Variants in CFAP299 observed in about 807,000 individuals in gnomAD.
CFAP299 encodes cilia- and flagella-associated protein 299.
Under a neutral mutation model 27.0 loss-of-function variants are expected in CFAP299, and 21 were observed. The observed-to-expected ratio is 0.78, with a 90% CI of 0.55 to 1.12. The LOEUF (loss-of-function observed/expected upper bound fraction) is 1.12. Among genes scored for constraint, CFAP299 ranks in the 50% most tolerant of loss-of-function variants. The pLI, the probability that CFAP299 is intolerant of heterozygous loss-of-function variation, is 0.00. For missense variants in CFAP299, 310 were observed against 276.6 expected, an observed-to-expected ratio of 1.12 and a Z score of -0.86; for synonymous variants, 104 against 98.1, an observed-to-expected ratio of 1.06 and a Z score of -0.36.
chr4:80,479,543 C>T lies in CFAP299; in HGVS notation c.243-103550C>T, dbSNP rs543356405. On this transcript the variant is annotated intron_variant, in intron 2 of 5. Coordinates refer to ENST00000358105, the MANE Select transcript of CFAP299 (RefSeq NM_152770.3). ...CACTGGGGAAAAACATCAAATGTTT[C>T]TATCATTAATTTCAATTGTTAGGTA... 5.5e-4 allele frequency among the ~76,000 whole-genome samples: 84 copies of T among 151,994 alleles called. 2 individuals carry two copies. Among genetic ancestry groups the T allele is most frequent in the Admixed American group, 1.2e-3 (19 of 15,266 alleles).
chr4:80,819,641 C>T (rs993095821), intron 3 of CFAP299, among the ~76,000 whole-genome samples: 3 of 152,206 alleles, frequency 2.0e-5, no homozygotes, highest in African/African-American at 7.2e-5. Flanking sequence ...GCTAAAATAA[C>T]GATCTCTATG....
rs116659525 is a variant in CFAP299 at position 80,537,439 on chromosome 4, T to C, written c.243-45654T>C. ...AGCCAAGCTGTGGAATCAACCTAAG[T>C]GTCCACCAGTGCATGAATAAATAAA... On this transcript the variant is annotated intron_variant, in intron 2 of 5. Coordinates refer to ENST00000358105, the MANE Select transcript of CFAP299 (RefSeq NM_152770.3). 4.8e-3 allele frequency among the ~76,000 whole-genome samples: 730 copies of C among 152,240 alleles called. 5 individuals carry two copies. Among genetic ancestry groups the C allele is most frequent in the African/African-American group, 0.017 (696 of 41,566 alleles).
chr4:80,850,134 C>G (rs998790803), intron 3 of CFAP299, among the ~76,000 whole-genome samples: 5 of 152,006 alleles, frequency 3.3e-5, no homozygotes, highest in African/African-American at 1.2e-4. Context: ...CTTTCTGATT[C>G]TATAGCTCAG....
At position 80,706,341 on chromosome 4, in the gene CFAP299, G is replaced by GA. The variant is rs570237876; in HGVS notation, c.333+123167dup. Among the ~76,000 whole-genome samples the GA allele has an allele frequency of 1.2e-3, 184 of 150,268 alleles. 1 individual carries two copies. In the Middle Eastern group the frequency reaches 0.017, roughly 14 times the overall value. On this transcript the variant is annotated intron_variant, in intron 3 of 5. Transcript: ENST00000358105. ...CCCCTGTATTGTCTAAGTATTAAAT[G>GA]AAAAAAAAATCCCACTTATATTAAA...
At chr4:80,398,318 A>G (rs2110045741) in intron 2 of CFAP299, among the ~76,000 whole-genome samples, 1 of 152,344 alleles carries the variant, frequency 6.6e-6, no homozygotes, top group South Asian at 2.1e-4. Flanking sequence ...GACTTTCTTC[A>G]CAGAATTGGG....
chr4:80,637,904 T>C (rs1486670649), intron 3 of CFAP299, among the ~76,000 whole-genome samples: 1 of 152,240 alleles, frequency 6.6e-6, no homozygotes, highest in Non-Finnish European at 1.5e-5. Flanking sequence ...CTGTATTTCT[T>C]TTGTCACACA....
At chr4:80,449,662 A>C (rs950900856) in intron 2 of CFAP299, among the ~76,000 whole-genome samples, 5 of 151,696 alleles carry the variant, frequency 3.3e-5, no homozygotes, top group African/African-American at 4.8e-5. Context: ...ATTATAATGA[A>C]TAATTTATTA....
intron 3 of CFAP299, among the ~76,000 whole-genome samples, chr4:80,618,187 A>G (rs1738396253): frequency 6.6e-6 from 1 of 152,118 alleles, no homozygotes. Context: ...GAAGGAATAA[A>G]CTTTACTCTT....
At chr4:80,789,565 A>G (rs1727435116) in intron 3 of CFAP299, among the ~76,000 whole-genome samples, 1 of 152,116 alleles carries the variant, frequency 6.6e-6, no homozygotes, top group East Asian at 1.9e-4. Flanking sequence ...GTGTTCAATT[A>G]CTTTCACATC....
intron 2 of CFAP299, among the ~76,000 whole-genome samples, chr4:80,568,344 GT>G (rs574886039): frequency 2.9e-4 from 44 of 152,022 alleles, no homozygotes; most frequent in Non-Finnish European, 4.7e-4. Context: ...TATGTATCAT[GT>G]TTCCTTTGTT....
chr4:80,945,086 C>T, intron 5 of CFAP299, 147 bp downstream of exon 5: 2 of 729,366 alleles, frequency 2.7e-6, no homozygotes, highest in Non-Finnish European at 4.6e-6. Context: ...GCATGTACTA[C>T]CTTTTAAAAA....
chr4:80,716,314 G>A (rs948491080), intron 3 of CFAP299, among the ~76,000 whole-genome samples: 3 of 151,606 alleles, frequency 2.0e-5, no homozygotes, highest in African/African-American at 4.8e-5. Flanking sequence ...AAAATGAGAT[G>A]TAGAAAATGT....
chr4:80,898,082 A>T (rs573199371), intron 4 of CFAP299, among the ~76,000 whole-genome samples: 1 of 152,236 alleles, frequency 6.6e-6, no homozygotes, highest in Admixed American at 6.5e-5. Flanking sequence ...TGTTACAGTA[A>T]GGGCTCTTTT....
At chr4:80,398,085 C>T (rs1022624392) in intron 2 of CFAP299, among the ~76,000 whole-genome samples, 2 of 152,116 alleles carry the variant, frequency 1.3e-5, no homozygotes, top group Non-Finnish European at 2.9e-5. Flanking sequence ...CTCCCATTCA[C>T]AATTGCTTCA....
At chr4:80,906,027 T>C (rs1735165891) in intron 4 of CFAP299, among the ~76,000 whole-genome samples, 1 of 152,166 alleles carries the variant, frequency 6.6e-6, no homozygotes, top group Non-Finnish European at 1.5e-5. Context: ...CAAAGTCTCA[T>C]CTGAGATAAG....
chr4:80,723,046 C>T (rs976616224), intron 3 of CFAP299, among the ~76,000 whole-genome samples: 1 of 152,044 alleles, frequency 6.6e-6, no homozygotes, highest in Non-Finnish European at 1.5e-5. Context: ...AACCACAATG[C>T]GATACTACTA....
intron 3 of CFAP299, among the ~76,000 whole-genome samples, chr4:80,699,441 C>T (rs329396): frequency 0.89 from 134,804 of 152,158 alleles, 60,231 homozygotes; most frequent in East Asian, 1. Flanking sequence ...ACAATTACTA[C>T]TGCACCAGGC....
chr4:80,357,080 T>C (rs375289945), intron 1 of CFAP299, among the ~76,000 whole-genome samples: 7 of 152,156 alleles, frequency 4.6e-5, no homozygotes, highest in African/African-American at 1.7e-4. Flanking sequence ...CTTTTCTGCA[T>C]ACTATTGAAA....
At chr4:80,602,678 G>A (rs1419894534) in intron 3 of CFAP299, among the ~76,000 whole-genome samples, 1 of 152,142 alleles carries the variant, frequency 6.6e-6, no homozygotes, top group East Asian at 1.9e-4. Flanking sequence ...TTAGTAGAGA[G>A]CTGGCTCAAC....
Sources: gnomAD v4.1 joint callset for allele counts (sites outside exome capture counted in the v4.1 genomes callset) on GRCh38, gnomAD v4.1.1 for gene constraint, MANE v1.5 for transcripts, NCBI Gene and HGNC (gene_info 2026-07-23, HGNC 2026-07-21) for gene names.